BMP6: variants seen among roughly 807,000 people sequenced by gnomAD.
BMP6 encodes the protein bone morphogenetic protein 6.
In BMP6, 17 loss-of-function variants were observed where a neutral mutation model predicts 54.1. The observed-to-expected ratio is 0.31, with a 90% CI of 0.22 to 0.47. The LOEUF is 0.47. Among genes scored for constraint, BMP6 ranks in the 20% least tolerant of loss-of-function variants. The pLI is 1.00. For missense variants in BMP6, 720 were observed against 690.4 expected (o/e 1.04, Z -0.48); for synonymous variants, 328 against 291.2 (o/e 1.13, Z -1.28).
At chr6:7,843,055 G>C (rs1759002094) in intron 1 of BMP6, among the ~76,000 whole-genome samples, 1 of 152,136 alleles carries the variant, frequency 6.6e-6, no homozygotes, top group Non-Finnish European at 1.5e-5. Context: ...AACTTAAAAG[G>C]CAGATCGGTT....
chr6:7,731,328 G>C (rs1761853764), intron 1 of BMP6, among the ~76,000 whole-genome samples: 1 of 152,154 alleles, frequency 6.6e-6, no homozygotes, highest in South Asian at 2.1e-4. Flanking sequence ...TCAGGTCTTA[G>C]CTTAAAATTC....
At chr6:7,824,776 A>G (rs146236911) in intron 1 of BMP6, among the ~76,000 whole-genome samples, 1 of 152,286 alleles carries the variant, frequency 6.6e-6, no homozygotes, top group African/African-American at 2.4e-5. Flanking sequence ...ATTTTCTAGA[A>G]CCTTACATTC....
At chr6:7,780,313 C>T (rs962372995) in intron 1 of BMP6, among the ~76,000 whole-genome samples, 4 of 151,868 alleles carry the variant, frequency 2.6e-5, no homozygotes, top group South Asian at 2.1e-4. Flanking sequence ...TTTGGAAGGC[C>T]GAGGCGGGTG....
In BMP6 at chr6:7,880,499, CATT is replaced by C. The variant is rs1246244014; in HGVS notation, c.*158_*160del. ...TACCCAGGAAGATTTTAAAGGACCT[CATT>C]AATAATTTGCTCACTTGGTAAATGA... On this transcript the variant is annotated 3_prime_UTR_variant, in exon 7 of 7. Transcript: ENST00000283147. 13 of 1,042,008 alleles carry C rather than the reference CATT, an allele frequency of 1.2e-5. No homozygotes were observed. The East Asian group carries it at 2.9e-4, about 24-fold the overall frequency. The allele number at this position is 1,042,008 out of a possible 1,614,324, so 64.5% of individuals were successfully genotyped here.
At chr6:7,801,414 GAATA>G (rs1228659523) in intron 1 of BMP6, among the ~76,000 whole-genome samples, 1 of 152,200 alleles carries the variant, frequency 6.6e-6, no homozygotes, top group Non-Finnish European at 1.5e-5. Flanking sequence ...GGCTGGATCT[GAATA>G]AATCCTTAAG....
At chr6:7,828,398 C>G (rs772869659) in intron 1 of BMP6, among the ~76,000 whole-genome samples, 1 of 152,218 alleles carries the variant, frequency 6.6e-6, no homozygotes, top group South Asian at 2.1e-4. Context: ...CAGAGATGTT[C>G]GTGCACCCTG....
In BMP6 at chr6:7,803,112, C is replaced by T. The variant is rs534862088; in HGVS notation, c.665-42028C>T. Among the ~76,000 whole-genome samples the T allele has an allele frequency of 3.3e-5, 5 of 152,234 alleles. No individual in the cohort carries two copies. In the South Asian group the frequency reaches 8.3e-4, roughly 25 times the overall value. On this transcript the variant is annotated intron_variant, in intron 1 of 6. Coordinates refer to ENST00000283147, the MANE Select transcript of BMP6 (RefSeq NM_001718.6). ...GGCTTGAATGGGAAAATAGTAGACTCGGGATGGGGTTGGCCAGGGCAGGTC... is the reference window on the plus strand; with the variant it reads ...GGCTTGAATGGGAAAATAGTAGACTTGGGATGGGGTTGGCCAGGGCAGGTC...
intron 2 of BMP6, among the ~76,000 whole-genome samples, chr6:7,859,053 C>T (rs781640276): frequency 4.6e-5 from 7 of 152,240 alleles, no homozygotes; most frequent in Middle Eastern, 6.8e-3. Flanking sequence ...CGAATCTGCA[C>T]TGACCCCGTA....
rs540745294 is a variant in BMP6, at chr6:7,781,540, C to G, written c.664+53921C>G. 5.3e-5 allele frequency among the ~76,000 whole-genome samples: 8 copies of G among 151,714 alleles called. No homozygotes were observed. The South Asian group carries it at 1.5e-3, about 28-fold the overall frequency. Reference sequence around the variant, plus strand: ...TGTTAGTCTGGCTTTGGCTTGTACTCTGTCACTCACCGCCTCACCACATTA... The same window carrying G: ...TGTTAGTCTGGCTTTGGCTTGTACTGTGTCACTCACCGCCTCACCACATTA... On this transcript the variant is annotated intron_variant, in intron 1 of 6. Transcript: ENST00000283147.
chr6:7,856,682 C>T (rs1427669670), intron 2 of BMP6, among the ~76,000 whole-genome samples: 4 of 138,712 alleles, frequency 2.9e-5, no homozygotes, highest in South Asian at 2.3e-4. Flanking sequence ...CTGCAAGCTC[C>T]GCCTCCCGGG....
chr6:7,727,131 C>T lies in BMP6; in HGVS notation c.176C>T (p.Ser59Leu). The change falls in exon 1 of 7, where the codon TCG becomes TTG. Residue 59 changes from serine (S) to leucine (L), a missense_variant. Physicochemically the swap from Ser to Leu is moderately radical, Grantham distance 145. Transcript: ENST00000283147. ...GGCCGCACGGAGCAGCCGCCGCCGT[C>T]GCCGCAGTCCTCCTCGGGCTTCCTG... Reference protein sequence around the residue: ...SPGRTEQPPPSPQSSSGFLYR... With the variant: ...SPGRTEQPPPLPQSSSGFLYR... 1 of 1,533,502 alleles carries T rather than the reference C, an allele frequency of 6.5e-7. No individual in the cohort carries two copies. The highest frequency in any genetic ancestry group is 8.7e-7 in the Non-Finnish European group (1 of 1,142,880). 95.0% of individuals were successfully genotyped at this position (1,533,502 alleles called of 1,614,324 possible). A position where few individuals can be genotyped will look rare whatever the true frequency, so the allele number is the denominator to read the frequency against.
At chr6:7,868,273 A>G (rs1359061805) in intron 4 of BMP6, among the ~76,000 whole-genome samples, 4 of 152,208 alleles carry the variant, frequency 2.6e-5, no homozygotes, top group Admixed American at 6.5e-5. Context: ...TTGACCATCC[A>G]AATTATAAAC....
intron 1 of BMP6, among the ~76,000 whole-genome samples, chr6:7,798,174 C>G (rs1353034361): frequency 3.3e-5 from 5 of 152,198 alleles, no homozygotes; most frequent in Non-Finnish European, 7.3e-5. Flanking sequence ...AACCTATATT[C>G]CACATATGTC....
chr6:7,794,941 C>T (rs542062165), intron 1 of BMP6, among the ~76,000 whole-genome samples: 1 of 152,164 alleles, frequency 6.6e-6, no homozygotes, highest in Non-Finnish European at 1.5e-5. Context: ...GAAAGGCTCT[C>T]CCTATTCTAT....
intron 1 of BMP6, among the ~76,000 whole-genome samples, chr6:7,818,458 C>T (rs1041708163): frequency 2.6e-5 from 4 of 152,104 alleles, no homozygotes; most frequent in African/African-American, 9.7e-5. Context: ...TTTGTTTTTT[C>T]CTTCCAACTT....
intron 1 of BMP6, among the ~76,000 whole-genome samples, chr6:7,758,604 C>T (rs1397177004): frequency 2.0e-5 from 3 of 152,208 alleles, no homozygotes; most frequent in African/African-American, 7.2e-5. Context: ...TTAATTTTGA[C>T]TTCTTTTGAA....
intron 4 of BMP6, 116 bp from the exon 5 acceptor site, chr6:7,878,958 A>AG (rs1273487744): frequency 2.0e-6 from 2 of 986,136 alleles, no homozygotes; most frequent in Non-Finnish European, 3.2e-6. Flanking sequence ...ACTTGTATCT[A>AG]GGAGGCTATC....
At chr6:7,847,827 G>C (rs1225469710) in intron 2 of BMP6, among the ~76,000 whole-genome samples, 1 of 152,128 alleles carries the variant, frequency 6.6e-6, no homozygotes, top group Non-Finnish European at 1.5e-5. Context: ...GACCAGGTAA[G>C]TTTAAAAAGA....
Position 7,727,041 on chromosome 6 carries a change from C to A in BMP6, c.86C>A (p.Pro29Gln). The change falls in exon 1 of 7, where the codon CCG becomes CAG. Residue 29 changes from proline (P) to glutamine (Q), a missense_variant. Around this residue, in one of 3 missense-constraint regions of BMP6, gnomAD observed 650 missense variants for 556.3 expected, o/e 1.17. Coordinates refer to ENST00000283147, the MANE Select transcript of BMP6 (RefSeq NM_001718.6). The stretch of plus-strand genomic sequence containing the variant: ...TGCTGCGGGCCCCCGCCGCTGCGGC[C>A]GCCCTTGCCCGCTGCCGCGGCCGCC... ...CSCCGPPPLR[P>Q]PLPAAAAAAA... 8.7e-7 allele frequency: 1 copy of A among 1,143,074 alleles called. No homozygotes were observed. Among genetic ancestry groups the A allele is most frequent in the Non-Finnish European group, 1.1e-6 (1 of 932,388 alleles). The allele number at this position is 1,143,074 out of a possible 1,614,324, so 70.8% of individuals were successfully genotyped here.
Sources: allele counts gnomAD v4.1 joint callset (sites outside exome capture counted in the v4.1 genomes callset), GRCh38; gene constraint gnomAD v4.1.1; regional missense constraint gnomAD v4.1.1; transcripts MANE v1.5; gene names NCBI Gene and HGNC (gene_info 2026-07-23, HGNC 2026-07-21).